Variants in ADGRG6 observed in about 807,000 individuals in gnomAD.
The protein encoded by ADGRG6 is G-protein coupled receptor 126.
A neutral mutation model predicts 142.4 loss-of-function variants in ADGRG6; 84 were observed. The observed-to-expected ratio is 0.59, with a 90% CI of 0.49 to 0.71. The LOEUF (loss-of-function observed/expected upper bound fraction) is 0.71, where lower values mean the gene tolerates loss of function less well. Among genes scored for constraint, ADGRG6 ranks in the 30% least tolerant of loss-of-function variants. ADGRG6 has a pLI of 0.00. For synonymous variants in ADGRG6, 521 were observed against 520.5 expected, an observed-to-expected ratio of 1.00 and a Z score of -0.01; for missense variants, 1,367 against 1,466.6, an observed-to-expected ratio of 0.93 and a Z score of 1.11.
rs775136868 is a variant in ADGRG6 at position 142,415,832 on chromosome 6, G to A, written c.2706G>A (p.Met902Ile). The A allele has an allele frequency of 6.2e-7, 1 of 1,612,522 alleles. No homozygotes were observed. The highest frequency in any genetic ancestry group is 8.5e-7 in the Non-Finnish European group (1 of 1,178,916). The change falls in exon 20 of 25, where the codon ATG becomes ATA. Residue 902 changes from methionine (M) to isoleucine (I), a missense_variant. Met to Ile is a conservative substitution (Grantham distance 10). Around this residue, in one of 3 missense-constraint regions of ADGRG6, gnomAD observed 286 missense variants for 371.4 expected, o/e 0.77. Transcript: ENST00000367609. ...LRRDYPSKIL[M>I]NLSTALLFLN... ...GGGATTATCCCTCCAAAATCTTGAT[G>A]AACCTGAGCACAGCCCTGCTGTTCC... is the stretch of plus-strand genomic sequence containing the variant.
chr6:142,370,879 C>A, intron 4 of ADGRG6, 86 bp downstream of exon 4: 3 of 1,260,312 alleles, frequency 2.4e-6, no homozygotes, highest in Non-Finnish European at 3.4e-6. Flanking sequence ...TACATACACA[C>A]AAATGTACCT....
At chr6:142,381,256 G>T (rs1034174238) in intron 4 of ADGRG6, among the ~76,000 whole-genome samples, 1 of 151,982 alleles carries the variant, frequency 6.6e-6, no homozygotes. Flanking sequence ...ATATATATGT[G>T]TATACACACA....
chr6:142,443,504 A>G lies in ADGRG6; in HGVS notation c.3742A>G (p.Thr1248Ala). ...IIMSDTFSHS[T>A]KF ...CATGTCAGACACCTTCAGCCACAGC[A>G]CAAAGTTTTAATGTCTTTAAGAAAA... Residue 1248 changes from threonine (T) to alanine (A), a missense_variant, in exon 25 of 25, where the codon ACA becomes GCA. This residue lies in a region of ADGRG6 where 344 missense variants were observed against 348.7 expected (regional missense o/e 0.99). Transcript: ENST00000367609. The G allele has an allele frequency of 6.2e-7, 1 of 1,608,388 alleles. No homozygotes were observed. The highest frequency in any genetic ancestry group is 8.5e-7 in the Non-Finnish European group (1 of 1,176,460).
intron 10 of ADGRG6, 38 bp from the exon 11 acceptor site, chr6:142,400,447 G>A (rs1193964873): frequency 2.1e-6 from 2 of 969,050 alleles, no homozygotes; most frequent in African/African-American, 1.6e-5. Context: ...TTAAAAAATA[G>A]GTGAATATTT....
intron 22 of ADGRG6, among the ~76,000 whole-genome samples, 176 bp downstream of exon 22, chr6:142,420,280 A>G (rs1776597503): frequency 6.6e-6 from 1 of 152,178 alleles, no homozygotes; most frequent in African/African-American, 2.4e-5. Context: ...TAAATGAGGT[A>G]GAATGTTAGT....
At chr6:142,380,195 T>C (rs972305388) in intron 4 of ADGRG6, among the ~76,000 whole-genome samples, 3 of 152,150 alleles carry the variant, frequency 2.0e-5, no homozygotes, top group African/African-American at 7.2e-5. Context: ...TCACAGAGGA[T>C]AGATTGTAAA....
At chr6:142,347,450 A>G (rs1256957700) in intron 2 of ADGRG6, among the ~76,000 whole-genome samples, 1 of 152,176 alleles carries the variant, frequency 6.6e-6, no homozygotes, top group African/African-American at 2.4e-5. Context: ...CCTATGTAGA[A>G]AACCAAACAA....
intron 2 of ADGRG6, among the ~76,000 whole-genome samples, chr6:142,353,858 CTT>C (rs1187378181): frequency 1.3e-5 from 2 of 152,140 alleles, no homozygotes; most frequent in African/African-American, 2.4e-5. Flanking sequence ...ATAGTGCTGT[CTT>C]TGTCTTTTGC....
chr6:142,404,812 G>T (rs1775714171), intron 14 of ADGRG6, among the ~76,000 whole-genome samples: 2 of 152,156 alleles, frequency 1.3e-5, no homozygotes, highest in South Asian at 4.1e-4. Flanking sequence ...CATACTTTGA[G>T]AACCCGTGAT....
chr6:142,354,656 A>G (rs1400132196), intron 2 of ADGRG6, among the ~76,000 whole-genome samples: 2 of 152,228 alleles, frequency 1.3e-5, no homozygotes, highest in Non-Finnish European at 2.9e-5. Context: ...GAAATCTGTA[A>G]AACATTGTAA....
At chr6:142,407,190 A>AAT (rs397714202) in intron 15 of ADGRG6, among the ~76,000 whole-genome samples, 1 of 149,878 alleles carries the variant, frequency 6.7e-6, no homozygotes, top group African/African-American at 2.5e-5. Context: ...AAAAAAAAAA[A>AAT]GGAAGCATAT....
intron 17 of ADGRG6, 149 bp from the exon 18 acceptor site, chr6:142,411,156 C>A: frequency 1.9e-6 from 1 of 523,028 alleles, no homozygotes; most frequent in Admixed American, 3.0e-5. Context: ...TTATTCTAAG[C>A]ATTGAAAACT....
chr6:142,365,436 G>A (rs1780902349), intron 2 of ADGRG6, among the ~76,000 whole-genome samples: 1 of 152,100 alleles, frequency 6.6e-6, no homozygotes, highest in South Asian at 2.1e-4. Context: ...GTGCAGTGCT[G>A]GAGAGTAGAA....
intron 2 of ADGRG6, among the ~76,000 whole-genome samples, chr6:142,365,752 A>G (rs1048496946): frequency 6.6e-6 from 1 of 152,200 alleles, no homozygotes; most frequent in Non-Finnish European, 1.5e-5. Context: ...AAAGTGAAAC[A>G]TTGAGTAATA....
intron 7 of ADGRG6, among the ~76,000 whole-genome samples, chr6:142,391,637 G>T (rs1018674647): frequency 1.3e-5 from 2 of 151,710 alleles, no homozygotes; most frequent in African/African-American, 4.8e-5. Context: ...TGAAATAAAA[G>T]AAAAATACTA....
At chr6:142,425,022 T>C (rs905614652) in intron 22 of ADGRG6, among the ~76,000 whole-genome samples, 1 of 152,194 alleles carries the variant, frequency 6.6e-6, no homozygotes, top group African/African-American at 2.4e-5. Flanking sequence ...GATTACAGTG[T>C]ATATTCAAGG....
At chr6:142,438,855 A>C (rs1777612504) in intron 24 of ADGRG6, among the ~76,000 whole-genome samples, 1 of 152,232 alleles carries the variant, frequency 6.6e-6, no homozygotes, top group Non-Finnish European at 1.5e-5. Flanking sequence ...ATGAAAGAAC[A>C]TAATATTTAG....
chr6:142,407,592 C>A (rs1250072474), intron 15 of ADGRG6, among the ~76,000 whole-genome samples: 1 of 152,118 alleles, frequency 6.6e-6, no homozygotes, highest in Admixed American at 6.5e-5. Flanking sequence ...AGCCTTATTG[C>A]TTAAGTGAAA....
intron 2 of ADGRG6, among the ~76,000 whole-genome samples, chr6:142,320,857 C>T (rs1189850765): frequency 6.6e-6 from 1 of 151,650 alleles, no homozygotes; most frequent in African/African-American, 2.4e-5. Context: ...TGTAGTCATC[C>T]CTTTCTGTAA....
Sources: gnomAD v4.1 joint callset for allele counts (sites outside exome capture counted in the v4.1 genomes callset) on GRCh38, gnomAD v4.1.1 for gene constraint, gnomAD v4.1.1 regional missense constraint, MANE v1.5 for transcripts, NCBI Gene and HGNC (gene_info 2026-07-23, HGNC 2026-07-21) for gene names.